HS2ST1: variants seen among roughly 807,000 people sequenced by gnomAD.
HS2ST1 encodes heparan sulfate 2-O-sulfotransferase 1.
A neutral mutation model predicts 42.9 loss-of-function variants in HS2ST1; 18 were observed. That is an observed-to-expected ratio of 0.42 (90% CI 0.29 to 0.62). HS2ST1 has a LOEUF of 0.62. Ranked by LOEUF, HS2ST1 falls within the 20% of genes least tolerant of loss-of-function variation. The probability of loss-of-function intolerance (pLI) is 0.21; values close to 1 mark genes in which losing one functional copy is unlikely to be tolerated. For missense variants in HS2ST1, 334 were observed against 433.8 expected, an observed-to-expected ratio of 0.77 and a Z score of 2.04; for synonymous variants, 146 against 152.9, an observed-to-expected ratio of 0.95 and a Z score of 0.33.
chr1:87,024,621 T>C (rs1650040173), intron 1 of HS2ST1, among the ~76,000 whole-genome samples: 1 of 152,142 alleles, frequency 6.6e-6, no homozygotes, highest in African/African-American at 2.4e-5. Flanking sequence ...TTTCCTTAAC[T>C]ATGAAATAGG....
intron 3 of HS2ST1, among the ~76,000 whole-genome samples, chr1:87,091,523 T>C (rs1651943014): frequency 6.6e-6 from 1 of 151,924 alleles, no homozygotes; most frequent in South Asian, 2.1e-4. Context: ...TTTAGGAACA[T>C]CCTTTGAGAA....
In HS2ST1 at chr1:86,917,008, A is replaced by G. The variant is rs537855479; in HGVS notation, c.124+1848A>G. Among the ~76,000 whole-genome samples, 67 of 152,336 alleles carry G rather than the reference A, an allele frequency of 4.4e-4. 1 individual carries two copies. In the South Asian group the frequency reaches 0.014, roughly 32 times the overall value. ...GTTATCTGAAGATGTATAATGCCAC[A>G]GTTAAAATATAAAGTGCTTTCTTGT... On this transcript the variant is annotated intron_variant, in intron 1 of 6. Coordinates refer to ENST00000370550, the MANE Select transcript of HS2ST1 (RefSeq NM_012262.4).
intron 1 of HS2ST1, among the ~76,000 whole-genome samples, chr1:87,033,112 ATTG>A (rs1470571294): frequency 6.6e-6 from 1 of 152,222 alleles, no homozygotes; most frequent in African/African-American, 2.4e-5. Context: ...ATATTTATGA[ATTG>A]TTATGGATAT....
intron 1 of HS2ST1, among the ~76,000 whole-genome samples, chr1:86,944,534 T>C (rs1647270584): frequency 6.6e-6 from 1 of 152,010 alleles, no homozygotes. Flanking sequence ...TTTGTATTTT[T>C]AGTAGAGATG....
chr1:87,020,100 C>T (rs573577032), intron 1 of HS2ST1, among the ~76,000 whole-genome samples: 1 of 152,138 alleles, frequency 6.6e-6, no homozygotes, highest in Admixed American at 6.5e-5. Context: ...TTATTTTGGC[C>T]TTTTTATTAC....
intron 1 of HS2ST1, among the ~76,000 whole-genome samples, chr1:86,965,703 A>T (rs1409636212): frequency 2.0e-5 from 3 of 152,076 alleles, no homozygotes; most frequent in Non-Finnish European, 1.5e-5. Context: ...AACCACTAGG[A>T]TAAATGACCC....
chr1:86,944,574 C>G lies in HS2ST1; in HGVS notation c.124+29414C>G, dbSNP rs1432333377. Reference sequence around the variant, plus strand: ...TTCACCATGTTGACCAGGCTGGTCTCGAACTCCTGACCTCAAGTGATCCAC... The same window carrying G: ...TTCACCATGTTGACCAGGCTGGTCTGGAACTCCTGACCTCAAGTGATCCAC... On this transcript the variant is annotated intron_variant, in intron 1 of 6. Coordinates refer to ENST00000370550, the MANE Select transcript of HS2ST1 (RefSeq NM_012262.4). Among the ~76,000 whole-genome samples, 7 of 152,082 alleles carry G rather than the reference C, an allele frequency of 4.6e-5. No homozygotes were observed. The East Asian group carries it at 1.4e-3, about 29-fold the overall frequency.
chr1:86,921,091 TA>T (rs1553130045), intron 1 of HS2ST1, among the ~76,000 whole-genome samples: 74 of 151,736 alleles, frequency 4.9e-4, no homozygotes, highest in Admixed American at 2.1e-3. Context: ...CAATTACAAA[TA>T]AAAAAAAACT....
At chr1:86,959,490 T>A (rs1461397898) in intron 1 of HS2ST1, among the ~76,000 whole-genome samples, 4 of 152,094 alleles carry the variant, frequency 2.6e-5, no homozygotes. Context: ...AAACCCCGTC[T>A]CTACTAAAAA....
intron 1 of HS2ST1, among the ~76,000 whole-genome samples, chr1:86,931,475 G>A (rs1660538631): frequency 6.6e-6 from 1 of 152,004 alleles, no homozygotes; most frequent in Admixed American, 6.6e-5. Flanking sequence ...AATTTGGAGT[G>A]ATAGCATTTT....
intron 1 of HS2ST1, among the ~76,000 whole-genome samples, chr1:86,925,218 A>G (rs1228071601): frequency 4.6e-5 from 7 of 152,136 alleles, no homozygotes; most frequent in Non-Finnish European, 1.0e-4. Context: ...AGACCACCTT[A>G]GACTGGACCT....
intron 4 of HS2ST1, among the ~76,000 whole-genome samples, chr1:87,096,460 C>CTT (rs1408125517): frequency 6.6e-6 from 1 of 152,152 alleles, no homozygotes; most frequent in Non-Finnish European, 1.5e-5. Flanking sequence ...TCAGAAAAGT[C>CTT]TTTAAGTATT....
intron 1 of HS2ST1, among the ~76,000 whole-genome samples, chr1:86,922,377 A>T (rs1043606145): frequency 3.3e-5 from 5 of 151,574 alleles, no homozygotes; most frequent in Non-Finnish European, 5.9e-5. Context: ...AAAATTTTTT[A>T]AAAATTTGCT....
intron 1 of HS2ST1, among the ~76,000 whole-genome samples, chr1:86,969,390 G>A (rs996652640): frequency 6.6e-6 from 1 of 151,412 alleles, no homozygotes; most frequent in East Asian, 1.9e-4. Flanking sequence ...CTTTATAAAC[G>A]TGTGTGTGTG....
chr1:86,987,257 G>C (rs975848696), intron 1 of HS2ST1, among the ~76,000 whole-genome samples: 1 of 151,586 alleles, frequency 6.6e-6, no homozygotes, highest in Admixed American at 6.6e-5. Context: ...TTGTATTTTA[G>C]TAGAGACAGG....
chr1:87,032,407 C>T lies in HS2ST1; in HGVS notation c.125-40527C>T, dbSNP rs532651745. ...TTGTATAACTTTATTTGTTAAAGGACGAAAAAGAGACCTGAATATTATACT... is the reference window on the plus strand; with the variant it reads ...TTGTATAACTTTATTTGTTAAAGGATGAAAAAGAGACCTGAATATTATACT... On this transcript the variant is annotated intron_variant, in intron 1 of 6. Transcript: ENST00000370550. Among the ~76,000 whole-genome samples the T allele has an allele frequency of 5.3e-5, 8 of 152,020 alleles. No homozygotes were observed. In the East Asian group the frequency reaches 5.8e-4, roughly 11 times the overall value.
intron 1 of HS2ST1, among the ~76,000 whole-genome samples, chr1:87,029,241 G>A (rs1459441383): frequency 2.0e-5 from 3 of 152,146 alleles, no homozygotes; most frequent in South Asian, 4.1e-4. Context: ...TGCCACATAG[G>A]TGCAATGTTT....
intron 3 of HS2ST1, among the ~76,000 whole-genome samples, chr1:87,085,384 A>G (rs1475760393): frequency 2.0e-5 from 3 of 152,174 alleles, no homozygotes; most frequent in Admixed American, 6.5e-5. Flanking sequence ...AGAATGAAGT[A>G]TTACTGATTC....
chr1:86,946,150 G>C (rs1467066656), intron 1 of HS2ST1, among the ~76,000 whole-genome samples: 1 of 152,064 alleles, frequency 6.6e-6, no homozygotes, highest in East Asian at 1.9e-4. Context: ...TCCAAACGTA[G>C]CATTGTTTAT....
Sources: gnomAD v4.1 joint callset for allele counts (sites outside exome capture counted in the v4.1 genomes callset) on GRCh38, gnomAD v4.1.1 for gene constraint, MANE v1.5 for transcripts, NCBI Gene and HGNC (gene_info 2026-07-23, HGNC 2026-07-21) for gene names.